The following AVL9 variants were observed in gnomAD, a reference collection of about 807,000 sequenced individuals.
The protein encoded by AVL9 is late secretory pathway protein AVL9 homolog.
In AVL9, 49 loss-of-function variants were observed where a neutral mutation model predicts 79.2. The observed-to-expected ratio is 0.62, with a 90% CI of 0.49 to 0.79. AVL9 has a LOEUF of 0.79. Ranked by LOEUF, AVL9 falls within the 30% of genes least tolerant of loss-of-function variation. The probability of loss-of-function intolerance (pLI) is 0.00; values close to 1 mark genes in which losing one functional copy is unlikely to be tolerated. For synonymous variants in AVL9, 299 were observed against 280.6 expected, an observed-to-expected ratio of 1.07 and a Z score of -0.65; for missense variants, 682 against 776.8, an observed-to-expected ratio of 0.88 and a Z score of 1.45.
At chr7:32,546,133 G>T (rs2128135588) in intron 3 of AVL9, among the ~76,000 whole-genome samples, 1 of 145,032 alleles carries the variant, frequency 6.9e-6, no homozygotes, top group Admixed American at 7.2e-5. Flanking sequence ...AGAATCGCTG[G>T]GATTTGAGCC....
chr7:32,559,088 T>A lies in AVL9; in HGVS notation c.839T>A (p.Val280Asp). 1 of 1,614,096 alleles carries A rather than the reference T, an allele frequency of 6.2e-7. No individual in the cohort carries two copies. Among genetic ancestry groups the A allele is most frequent in the South Asian group, 1.1e-5 (1 of 91,078 alleles). The change falls in exon 10 of 16, where the codon GTC becomes GAC. Residue 280 changes from valine to aspartate, a missense_variant. Physicochemically the swap from Val to Asp is radical, Grantham distance 152. Coordinates refer to ENST00000318709, the MANE Select transcript of AVL9 (RefSeq NM_015060.3). ...SHTNLGTIRK[V>D]MAGNHGEDAA... ...ACCAACTTGGGAACTATCAGGAAAG[T>A]CATGGCAGGAAACCATGGAGAAGAT...
rs1026098080 is a variant in AVL9 at position 32,570,246 on chromosome 7, T to A, written c.1350+92T>A. 14 of 1,480,954 alleles carry A rather than the reference T, an allele frequency of 9.5e-6. No individual in the cohort carries two copies. In the African/African-American group the frequency reaches 1.9e-4, roughly 20 times the overall value. 91.7% of individuals were successfully genotyped at this position (1,480,954 alleles called of 1,614,324 possible). A position where few individuals can be genotyped will look rare whatever the true frequency, so the allele number is the denominator to read the frequency against. ...TATGAATACATAGTAACAACATTAG[T>A]AATGATAATAACTGCATACTGTATG... On this transcript the variant is annotated intron_variant, in intron 11 of 15. Transcript: ENST00000318709.
Position 32,566,180 on chromosome 7 carries a change from A to ATCTTTTTTT in AVL9, c.1216-3839_1216-3838insCTTTTTTTT, listed in dbSNP as rs70992731. ...TAAAAAAATTTTAATTATTATTATT[A>ATCTTTTTTT]TTTTTTTTTTTTGGAGACAAGGTCT... On this transcript the variant is annotated intron_variant, in intron 10 of 15. Coordinates refer to ENST00000318709, the MANE Select transcript of AVL9 (RefSeq NM_015060.3). Among the ~76,000 whole-genome samples the ATCTTTTTTT allele has an allele frequency of 5.9e-4, 55 of 93,856 alleles. 12 individuals are homozygous for ATCTTTTTTT. The highest frequency in any genetic ancestry group is 4.5e-3 in the Admixed American group (32 of 7,118). 61.6% of individuals were successfully genotyped at this position (93,856 alleles called of 152,430 possible).
intron 1 of AVL9, among the ~76,000 whole-genome samples, chr7:32,511,862 G>C (rs991395014): frequency 6.6e-6 from 1 of 152,110 alleles, no homozygotes; most frequent in African/African-American, 2.4e-5. Flanking sequence ...CGAGAAATTG[G>C]AGGTAGCTTT....
At position 32,565,286 on chromosome 7, in the gene AVL9, G is replaced by A. The variant is rs187494050; in HGVS notation, c.1216-4734G>A. Among the ~76,000 whole-genome samples, 98 of 152,298 alleles carry A rather than the reference G, an allele frequency of 6.4e-4. 1 individual carries two copies. The highest frequency in any genetic ancestry group is 2.2e-3 in the African/African-American group (90 of 41,548). On this transcript the variant is annotated intron_variant, in intron 10 of 15. Coordinates refer to ENST00000318709, the MANE Select transcript of AVL9 (RefSeq NM_015060.3). ...AGAAATTACCTCAATGCGACTGGGC[G>A]TGGTGGCTCACGCCTGTAATCCGAG... is the stretch of plus-strand genomic sequence containing the variant.
At chr7:32,571,200 C>A (rs1467463449) in intron 11 of AVL9, among the ~76,000 whole-genome samples, 1 of 145,980 alleles carries the variant, frequency 6.9e-6, no homozygotes, top group African/African-American at 2.6e-5. Context: ...CCACTGCACT[C>A]CAGCCTGGGT....
intron 1 of AVL9, among the ~76,000 whole-genome samples, chr7:32,523,109 A>G (rs1441790375): frequency 1.4e-5 from 2 of 144,622 alleles, no homozygotes. Context: ...GCTGTCCCTC[A>G]TGGGTCTATA....
rs1195062938 is a variant in AVL9, at chr7:32,587,346, G to A, written c.*3439G>A. On this transcript the variant is annotated 3_prime_UTR_variant, in exon 16 of 16. Transcript: ENST00000318709. The stretch of plus-strand genomic sequence containing the variant: ...TGCTAGTTACAAGTTTTAAAGTCAC[G>A]CTACGGCATTATCACCCTGGCAGGT... 3 of 152,196 alleles carry A rather than the reference G, an allele frequency of 2.0e-5. No individual in the cohort carries two copies. The highest frequency in any genetic ancestry group is 7.2e-5 in the African/African-American group (3 of 41,454). 9.4% of individuals were successfully genotyped at this position (152,196 alleles called of 1,614,324 possible).
intron 1 of AVL9, chr7:32,532,263 G>C (rs1282967663): frequency 6.6e-6 from 1 of 152,212 alleles, no homozygotes; most frequent in Non-Finnish European, 1.5e-5. Context: ...CTGACATCTA[G>C]CTGCGTCTCT....
intron 1 of AVL9, among the ~76,000 whole-genome samples, chr7:32,510,717 C>T (rs1385618768): frequency 8.1e-6 from 1 of 124,134 alleles, no homozygotes; most frequent in Non-Finnish European, 1.8e-5. Context: ...CACTTCTGAA[C>T]TGCCCCAGTA....
chr7:32,509,510 G>A (rs1787561634), intron 1 of AVL9, among the ~76,000 whole-genome samples: 1 of 152,142 alleles, frequency 6.6e-6, no homozygotes, highest in South Asian at 2.1e-4. Context: ...CCTATAGTTT[G>A]CTTTGTGGTT....
At chr7:32,569,661 G>A (rs1240268086) in intron 10 of AVL9, among the ~76,000 whole-genome samples, 1 of 152,142 alleles carries the variant, frequency 6.6e-6, no homozygotes, top group South Asian at 2.1e-4. Flanking sequence ...ACTAAACAAC[G>A]TACTTACTAA....
In AVL9 at chr7:32,585,308, A is replaced by T. The variant is rs2128159726; in HGVS notation, c.*1401A>T. The T allele has an allele frequency of 6.6e-6, 1 of 152,304 alleles. No homozygotes were observed. The highest frequency in any genetic ancestry group is 1.9e-4 in the East Asian group (1 of 5,186). The allele number at this position is 152,304 out of a possible 1,614,324, so 9.4% of individuals were successfully genotyped here. A position where few individuals can be genotyped will look rare whatever the true frequency, so the allele number is the denominator to read the frequency against. ...GCAAAGTAAGAGGCAAGAGAAGAAA[A>T]CTGCAGCCTTGACATCTGTCATCTG... On this transcript the variant is annotated 3_prime_UTR_variant, in exon 16 of 16. Transcript: ENST00000318709.
At chr7:32,574,580 T>G (rs185421764) in intron 12 of AVL9, among the ~76,000 whole-genome samples, 1 of 152,328 alleles carries the variant, frequency 6.6e-6, no homozygotes, top group Admixed American at 6.5e-5. Context: ...TAGCTCACTT[T>G]TTTTTTTGAA....
chr7:32,579,517 TTA>T (rs1216340873), intron 13 of AVL9, among the ~76,000 whole-genome samples: 1 of 3,490 alleles, frequency 2.9e-4, no homozygotes, highest in African/African-American at 1.3e-3. Flanking sequence ...ATATATTATA[TTA>T]TATATTATAT....
intron 13 of AVL9, among the ~76,000 whole-genome samples, chr7:32,579,428 A>ATATATATAT (rs1491220830): frequency 0.63 from 2,063 of 3,264 alleles, 918 homozygotes; most frequent in Middle Eastern, 0.83. Context: ...TATATATATA[A>ATATATATAT]TATATATATT....
At position 32,573,434 on chromosome 7, in the gene AVL9, G is replaced by A; in HGVS notation, c.1570+16G>A. 2 of 1,596,108 alleles carry A rather than the reference G, an allele frequency of 1.3e-6. No individual in the cohort carries two copies. The highest frequency in any genetic ancestry group is 2.2e-5 in the East Asian group (1 of 44,664). On this transcript the variant is annotated intron_variant, in intron 12 of 15. Coordinates refer to ENST00000318709, the MANE Select transcript of AVL9 (RefSeq NM_015060.3). ...CTGCAATTAGGTAAGAAACCACACG[G>A]AGCCTACAGCTACCTGTTTTATTAT...
At chr7:32,551,447 T>G (rs1476894460) in intron 5 of AVL9, 24 bp downstream of exon 5, 1 of 1,326,624 alleles carries the variant, frequency 7.5e-7, no homozygotes, top group Non-Finnish European at 1.1e-6. Flanking sequence ...CCTCTATAGA[T>G]GTGTTTGGCT....
At chr7:32,557,214 T>C (rs1790103519) in intron 8 of AVL9, among the ~76,000 whole-genome samples, 4 of 152,040 alleles carry the variant, frequency 2.6e-5, no homozygotes, top group African/African-American at 9.7e-5. Context: ...TTATTATTAT[T>C]TAATTTTTTA....
Sources: gnomAD v4.1 joint callset for allele counts (sites outside exome capture counted in the v4.1 genomes callset) on GRCh38, gnomAD v4.1.1 for gene constraint, MANE v1.5 for transcripts, NCBI Gene and HGNC (gene_info 2026-07-23, HGNC 2026-07-21) for gene names.